Variants in CDH4 observed in about 807,000 individuals in gnomAD.
The protein encoded by CDH4 is cadherin-4.
A neutral mutation model predicts 86.0 loss-of-function variants in CDH4; 33 were observed. That is an observed-to-expected ratio of 0.38 (90% CI 0.29 to 0.51). The LOEUF is 0.51. Ranked by LOEUF, CDH4 falls within the 20% of genes least tolerant of loss-of-function variation. CDH4 has a pLI of 0.86. For missense variants in CDH4, 1,114 were observed against 1,307.4 expected, an observed-to-expected ratio of 0.85 and a Z score of 2.28; for synonymous variants, 555 against 549.4, an observed-to-expected ratio of 1.01 and a Z score of -0.14.
intron 2 of CDH4, among the ~76,000 whole-genome samples, chr20:61,729,804 C>T (rs576411941): frequency 2.0e-4 from 30 of 152,108 alleles, no homozygotes; most frequent in Non-Finnish European, 3.4e-4. Flanking sequence ...GAGATTACAG[C>T]GTTGGATGCA....
chr20:61,730,898 G>A (rs937382660), intron 2 of CDH4, among the ~76,000 whole-genome samples: 6 of 145,750 alleles, frequency 4.1e-5, no homozygotes, highest in Admixed American at 3.4e-4. Flanking sequence ...GCTGGGCGGC[G>A]GGGTCTGGGA....
intron 4 of CDH4, among the ~76,000 whole-genome samples, chr20:61,785,677 G>A (rs1797124517): frequency 2.0e-5 from 3 of 151,894 alleles, no homozygotes; most frequent in Admixed American, 1.3e-4. Flanking sequence ...AGGTGTGCAG[G>A]GCTCCTACCC....
rs144587992 is a variant in CDH4, at chr20:61,830,712, G to T, written c.577-13956G>T. Among the ~76,000 whole-genome samples, 836 of 152,352 alleles carry T rather than the reference G, an allele frequency of 5.5e-3. 3 individuals are homozygous for T. Among genetic ancestry groups the T allele is most frequent in the Non-Finnish European group, 7.7e-3 (524 of 68,030 alleles). ...TCTTCCCCCGAGGCCAGAATCCATC[G>T]CAGGCAGGCCCTGCAGAGCGGCAGG... On this transcript the variant is annotated intron_variant, in intron 4 of 15. Transcript: ENST00000614565.
At chr20:61,599,915 G>A (rs2086585754) in intron 2 of CDH4, 1 of 985,534 alleles carries the variant, frequency 1.0e-6, no homozygotes, top group Non-Finnish European at 1.2e-6. Flanking sequence ...AATAAAGGGA[G>A]GAAGGAGTCC....
chr20:61,335,152 C>T (rs1399532698), intron 2 of CDH4, among the ~76,000 whole-genome samples: 1 of 152,174 alleles, frequency 6.6e-6, no homozygotes, highest in African/African-American at 2.4e-5. Flanking sequence ...TGACAAATGT[C>T]AATATATTGA....
rs576107130 is a variant in CDH4 at position 61,840,455 on chromosome 20, C to T, written c.577-4213C>T. Among the ~76,000 whole-genome samples the T allele has an allele frequency of 2.3e-4, 35 of 152,372 alleles. No individual in the cohort carries two copies. In the South Asian group the frequency reaches 7.0e-3, roughly 31 times the overall value. ...ACTCTGCCAGAACGTTTCATGTCAT[C>T]CAGCCATTTCTGAGAGGAGAACCGG... On this transcript the variant is annotated intron_variant, in intron 4 of 15. Transcript: ENST00000614565.
At chr20:61,673,608 GC>G (rs1406985516) in intron 2 of CDH4, among the ~76,000 whole-genome samples, 5 of 152,192 alleles carry the variant, frequency 3.3e-5, no homozygotes, top group Non-Finnish European at 7.3e-5. Flanking sequence ...CCAGAAGGCC[GC>G]CCGTTCTTGA....
intron 2 of CDH4, among the ~76,000 whole-genome samples, chr20:61,513,993 C>A (rs2085798946): frequency 6.6e-6 from 1 of 152,352 alleles, no homozygotes; most frequent in Non-Finnish European, 1.5e-5. Flanking sequence ...GGGCAACGCC[C>A]ACTGGAGACC....
At chr20:61,293,041 TC>T (rs1391481870) in intron 2 of CDH4, among the ~76,000 whole-genome samples, 3 of 152,082 alleles carry the variant, frequency 2.0e-5, no homozygotes, top group African/African-American at 7.2e-5. Flanking sequence ...GTCCCCACGC[TC>T]CCCGAGGCTC....
chr20:61,690,421 G>C (rs2087640596), intron 2 of CDH4, among the ~76,000 whole-genome samples: 1 of 152,156 alleles, frequency 6.6e-6, no homozygotes, highest in South Asian at 2.1e-4. Context: ...CTCAGCCCCA[G>C]GGTAGCCCAG....
At chr20:61,819,406 C>T (rs758941166) in intron 4 of CDH4, among the ~76,000 whole-genome samples, 15 of 152,242 alleles carry the variant, frequency 9.9e-5, no homozygotes, top group Non-Finnish European at 1.8e-4. Context: ...TCCATGCATT[C>T]GCTCGCTCTG....
At chr20:61,322,843 G>A (rs1454921325) in intron 2 of CDH4, among the ~76,000 whole-genome samples, 4 of 152,186 alleles carry the variant, frequency 2.6e-5, no homozygotes, top group South Asian at 2.1e-4. Flanking sequence ...GCCTTTGATC[G>A]CAGCAGTGCA....
At chr20:61,691,313 ATGTG>A (rs975688933) in intron 2 of CDH4, among the ~76,000 whole-genome samples, 1 of 151,524 alleles carries the variant, frequency 6.6e-6, no homozygotes, top group South Asian at 2.1e-4. Flanking sequence ...ATTTGTGTGG[ATGTG>A]TGTGTGCAAG....
intron 2 of CDH4, among the ~76,000 whole-genome samples, chr20:61,547,885 C>T (rs117213574): frequency 1.2e-4 from 18 of 152,356 alleles, no homozygotes; most frequent in Middle Eastern, 3.4e-3. Context: ...CGACTGTATC[C>T]GTGTTCGCAC....
intron 4 of CDH4, among the ~76,000 whole-genome samples, chr20:61,818,164 G>A (rs117502659): frequency 0.013 from 1,973 of 152,208 alleles, 22 homozygotes; most frequent in Middle Eastern, 0.048. Context: ...CAAGTAGCTG[G>A]GACTATAGGT....
chr20:61,648,133 C>T (rs1016037099), intron 2 of CDH4, among the ~76,000 whole-genome samples: 19 of 152,154 alleles, frequency 1.2e-4, no homozygotes, highest in African/African-American at 3.6e-4. Flanking sequence ...CAGAAGGCAC[C>T]GGCCACACCA....
At chr20:61,701,161 C>G (rs1412207430) in intron 2 of CDH4, among the ~76,000 whole-genome samples, 1 of 152,208 alleles carries the variant, frequency 6.6e-6, no homozygotes, top group Non-Finnish European at 1.5e-5. Context: ...ATCGCCTTCC[C>G]TCTGGGAGTG....
intron 3 of CDH4, among the ~76,000 whole-genome samples, chr20:61,764,924 C>G (rs1182384247): frequency 6.6e-6 from 1 of 152,218 alleles, no homozygotes; most frequent in Non-Finnish European, 1.5e-5. Flanking sequence ...AAATCACCAT[C>G]TTACAGTAGG....
intron 2 of CDH4, among the ~76,000 whole-genome samples, chr20:61,605,413 G>GTCTGTT (rs1469631443): frequency 6.6e-6 from 1 of 151,096 alleles, no homozygotes; most frequent in Non-Finnish European, 1.5e-5. Context: ...ACCTCTCTTT[G>GTCTGTT]TCTGTTTCTC....
Sources: allele counts gnomAD v4.1 joint callset (sites outside exome capture counted in the v4.1 genomes callset), GRCh38; gene constraint gnomAD v4.1.1; transcripts MANE v1.5; gene names NCBI Gene and HGNC (gene_info 2026-07-23, HGNC 2026-07-21).